The following KASH5 variants were observed in gnomAD, a reference collection of about 807,000 sequenced individuals.
KASH5 encodes the protein KASH domain containing 5.
Under a neutral mutation model 84.2 loss-of-function variants are expected in KASH5, and 72 were observed. That is an observed-to-expected ratio of 0.85 (90% CI 0.71 to 1.04). KASH5 has a LOEUF of 1.04. Among genes scored for constraint, KASH5 ranks in the 50% least tolerant of loss-of-function variants. KASH5 has a pLI of 0.00. For missense variants in KASH5, 650 were observed against 701.0 expected, an observed-to-expected ratio of 0.93 and a Z score of 0.82; for synonymous variants, 260 against 279.1, an observed-to-expected ratio of 0.93 and a Z score of 0.68.
chr19:49,403,338 A>G (rs919616981), intron 9 of KASH5, among the ~76,000 whole-genome samples: 5 of 114,846 alleles, frequency 4.4e-5, no homozygotes, highest in African/African-American at 1.7e-4. Context: ...GTGCCACTGC[A>G]CTCAGCTTGG....
At chr19:49,388,801 T>G (rs887845248) in intron 1 of KASH5, among the ~76,000 whole-genome samples, 6 of 151,726 alleles carry the variant, frequency 4.0e-5, no homozygotes, top group African/African-American at 1.5e-4. Context: ...GTCTAGAAAT[T>G]GTCAGACTTC....
At position 49,415,073 on chromosome 19, in the gene KASH5, C is replaced by T. The variant is rs374383095; in HGVS notation, c.1374+77C>T. The stretch of plus-strand genomic sequence containing the variant: ...GAGGCTGAGTCGTTTCAACTCTTCC[C>T]AAGCCCCAGCCTCACACTCCAACTC... On this transcript the variant is annotated intron_variant, in intron 17 of 19. Coordinates refer to ENST00000447857, the MANE Select transcript of KASH5 (RefSeq NM_144688.5). 16 of 1,382,620 alleles carry T rather than the reference C, an allele frequency of 1.2e-5. No homozygotes were observed. In the African/African-American group the frequency reaches 2.1e-4, roughly 18 times the overall value. 85.6% of individuals were successfully genotyped at this position (1,382,620 alleles called of 1,614,324 possible). A position where few individuals can be genotyped will look rare whatever the true frequency, so the allele number is the denominator to read the frequency against.
intron 14 of KASH5, 37 bp from the exon 15 acceptor site, chr19:49,409,716 T>G (rs760278475): frequency 6.2e-7 from 1 of 1,613,110 alleles, no homozygotes; most frequent in Non-Finnish European, 8.5e-7. Context: ...TACCTTAATA[T>G]GGCTCTCCCT....
At chr19:49,400,273 C>G (rs1422332957) in intron 9 of KASH5, among the ~76,000 whole-genome samples, 1 of 146,782 alleles carries the variant, frequency 6.8e-6, no homozygotes. Context: ...ACCTTGAGTT[C>G]AAATCCCATC....
chr19:49,391,080 G>A (rs1283793545), intron 2 of KASH5, among the ~76,000 whole-genome samples, 154 bp downstream of exon 2: 1 of 152,118 alleles, frequency 6.6e-6, no homozygotes, highest in East Asian at 1.9e-4. Flanking sequence ...AGGGACTCTG[G>A]TAGATTAAGT....
chr19:49,404,312 C>T (rs1416940320), intron 9 of KASH5, among the ~76,000 whole-genome samples: 2 of 152,206 alleles, frequency 1.3e-5, no homozygotes, highest in African/African-American at 4.8e-5. Context: ...TCCCCAGTGA[C>T]CACCTCGCTT....
At position 49,395,704 on chromosome 19, in the gene KASH5, C is replaced by T. The variant is rs1974152306; in HGVS notation, c.336-65C>T. Reference sequence around the variant, plus strand: ...CCTCCTCCCACCTGCAATCCCCCTGCCTGTGGCTGGTGAGGACTGAGGGGC... The same window carrying T: ...CCTCCTCCCACCTGCAATCCCCCTGTCTGTGGCTGGTGAGGACTGAGGGGC... On this transcript the variant is annotated intron_variant, in intron 4 of 19. Transcript: ENST00000447857. This position sits in a 1 kb window ranked among gnomAD's most constrained non-coding sequence, Gnocchi z 4.4. The T allele has an allele frequency of 5.4e-6, 8 of 1,485,658 alleles. No individual in the cohort carries two copies. In the South Asian group the frequency reaches 8.5e-5, roughly 16 times the overall value. The allele number at this position is 1,485,658 out of a possible 1,614,324, so 92.0% of individuals were successfully genotyped here.
intron 9 of KASH5, among the ~76,000 whole-genome samples, chr19:49,405,369 A>C (rs891821789): frequency 2.6e-5 from 4 of 151,632 alleles, no homozygotes; most frequent in Non-Finnish European, 2.9e-5. Context: ...AGGCAGGAGA[A>C]TCGCTTGAAC....
intron 9 of KASH5, among the ~76,000 whole-genome samples, chr19:49,401,202 G>C (rs1974350568): frequency 6.6e-6 from 1 of 152,206 alleles, no homozygotes; most frequent in Non-Finnish European, 1.5e-5. Flanking sequence ...TCCAGAGCCA[G>C]GGAGGTGATT....
At chr19:49,404,565 C>T (rs10500301) in intron 9 of KASH5, among the ~76,000 whole-genome samples, 5,230 of 152,256 alleles carry the variant, frequency 0.034, 282 homozygotes, top group African/African-American at 0.12. Flanking sequence ...TTGTTACCCG[C>T]TTCTGCATCC....
In KASH5 at chr19:49,409,225, TG is replaced by T; in HGVS notation, c.1091del (p.Gly364AlafsTer81). On this transcript the variant is annotated frameshift_variant, in exon 14 of 20. Coordinates refer to ENST00000447857, the MANE Select transcript of KASH5 (RefSeq NM_144688.5). LOFTEE classifies it high-confidence loss of function. ...ELPEGAQLRR[V>X]GWTELLPPSL... Reference sequence around the variant, plus strand: ...CCTGAAGGGGCCCAGCTGAGAAGAGTGGGCTGGACCGAGCTGCTACCCCCAT... The same window carrying T: ...CCTGAAGGGGCCCAGCTGAGAAGAGTGGCTGGACCGAGCTGCTACCCCCAT... 6 of 1,613,804 alleles carry T rather than the reference TG, an allele frequency of 3.7e-6. No homozygotes were observed. Among genetic ancestry groups the T allele is most frequent in the Non-Finnish European group, 5.1e-6 (6 of 1,179,818 alleles).
At chr19:49,394,707 G>A in intron 3 of KASH5, 127 bp downstream of exon 3, 1 of 684,594 alleles carries the variant, frequency 1.5e-6, no homozygotes, top group Non-Finnish European at 2.5e-6. Flanking sequence ...GAACAAAGTG[G>A]GTGATTATGG....
At position 49,390,864 on chromosome 19, in the gene KASH5, C is replaced by A; in HGVS notation, c.-20C>A. On this transcript the variant is annotated 5_prime_UTR_variant, in exon 2 of 20. Transcript: ENST00000447857. ...AGGCTGGTAGCTTTGCCAGCAGCTG[C>A]GCCGCGGCAGGGGTGGCCCATGGAC... is the stretch of plus-strand genomic sequence containing the variant. 6.3e-7 allele frequency: 1 copy of A among 1,582,412 alleles called. No homozygotes were observed. Among genetic ancestry groups the A allele is most frequent in the South Asian group, 1.1e-5 (1 of 87,194 alleles).
chr19:49,413,261 T>C (rs73578540), intron 16 of KASH5, among the ~76,000 whole-genome samples: 8,108 of 152,214 alleles, frequency 0.053, 623 homozygotes, highest in African/African-American at 0.17. Context: ...CCAGCGAGGC[T>C]GCCATGCCTG....
chr19:49,389,131 C>A (rs1437321184), intron 1 of KASH5, among the ~76,000 whole-genome samples: 1 of 78,388 alleles, frequency 1.3e-5, no homozygotes, highest in African/African-American at 5.5e-5. Flanking sequence ...TCCAGAGACC[C>A]CCGCATAAAT....
In KASH5 at chr19:49,417,335, C is replaced by T. The variant is rs768373881; in HGVS notation, c.1548-34C>T. The T allele has an allele frequency of 1.9e-6, 3 of 1,562,138 alleles. No individual in the cohort carries two copies. Among genetic ancestry groups the T allele is most frequent in the South Asian group, 1.2e-5 (1 of 84,890 alleles). On this transcript the variant is annotated intron_variant, in intron 19 of 19. Coordinates refer to ENST00000447857, the MANE Select transcript of KASH5 (RefSeq NM_144688.5). The surrounding 1 kb of genome is among the most constrained non-coding windows in gnomAD (Gnocchi z 5.2). ...TTGGGAAGAGCAGGGGCTGCCCAGA[C>T]CCTGCCCTAAATGCTCTCCCACCTC...
rs1351633431 is a variant in KASH5 at position 49,409,242 on chromosome 19, C to T, written c.1105C>T (p.Leu369=). 6.2e-7 allele frequency: 1 copy of T among 1,613,990 alleles called. No homozygotes were observed. The highest frequency in any genetic ancestry group is 1.3e-5 in the African/African-American group (1 of 75,054). ...QLRRVGWTEL[L]PPSLGLEIEA... is the part of the protein sequence containing the mutation. The stretch of plus-strand genomic sequence containing the variant: ...GAGAAGAGTGGGCTGGACCGAGCTG[C>T]TACCCCCATCGCTGGGCTTGGAGAT... Residue 369 remains leucine, a synonymous_variant, in exon 14 of 20, where the codon CTA becomes TTA. Coordinates refer to ENST00000447857, the MANE Select transcript of KASH5 (RefSeq NM_144688.5).
Position 49,414,867 on chromosome 19 carries a change from C to T in KASH5, c.1329-84C>T. On this transcript the variant is annotated intron_variant, in intron 16 of 19. Coordinates refer to ENST00000447857, the MANE Select transcript of KASH5 (RefSeq NM_144688.5). The surrounding 1 kb of genome is among the most constrained non-coding windows in gnomAD (Gnocchi z 4.5). Reference sequence around the variant, plus strand: ...CTGGCCTGTGCTAAGACCCCCTGCTCCAAGGCTTCTCTCCCAGCCCATAGT... The same window carrying T: ...CTGGCCTGTGCTAAGACCCCCTGCTTCAAGGCTTCTCTCCCAGCCCATAGT... 1 of 1,532,394 alleles carries T rather than the reference C, an allele frequency of 6.5e-7. No individual in the cohort carries two copies. The highest frequency in any genetic ancestry group is 1.2e-5 in the South Asian group (1 of 84,092). The allele number at this position is 1,532,394 out of a possible 1,614,324, so 94.9% of individuals were successfully genotyped here.
chr19:49,413,033 A>G lies in KASH5; in HGVS notation c.1328+7A>G. On this transcript the variant is annotated splice_region_variant and intron_variant, in intron 16 of 19. Coordinates refer to ENST00000447857, the MANE Select transcript of KASH5 (RefSeq NM_144688.5). ...GGAAGGAGCCATCCATGTGGTAAGG[A>G]GCTGAGCCATCCGTCTGCCTCAGGG... 1 of 1,611,868 alleles carries G rather than the reference A, an allele frequency of 6.2e-7. No homozygotes were observed. Among genetic ancestry groups the G allele is most frequent in the Non-Finnish European group, 8.5e-7 (1 of 1,179,760 alleles).
Sources: allele counts gnomAD v4.1 joint callset (sites outside exome capture counted in the v4.1 genomes callset), GRCh38; gene constraint gnomAD v4.1.1; non-coding constraint Gnocchi (gnomAD v3.1); transcripts MANE v1.5; gene names NCBI Gene and HGNC (gene_info 2026-07-23, HGNC 2026-07-21).